Variants in ZNF611 observed in about 807,000 individuals in gnomAD.
ZNF611 encodes the protein zinc finger protein 611.
ZNF611 carries 6 observed loss-of-function variants against 8.9 expected under a neutral mutation model. The observed-to-expected ratio is 0.68, with a 90% CI of 0.37 to 1.34. ZNF611 has a LOEUF of 1.34. Among genes scored for constraint, ZNF611 ranks in the 40% most tolerant of loss-of-function variants. The pLI is 0.02. For missense variants in ZNF611, 874 were observed against 841.3 expected (o/e 1.04, Z -0.48); for synonymous variants, 262 against 279.7 (o/e 0.94, Z 0.63).
rs145217873 is a variant in ZNF611, at chr19:52,727,299, A to C, written c.-20+1431T>G. 1.1e-3 allele frequency among the ~76,000 whole-genome samples: 164 copies of C among 152,346 alleles called. 1 individual carries two copies. Among genetic ancestry groups the C allele is most frequent in the African/African-American group, 3.5e-3 (147 of 41,582 alleles). ...AGAATAACTATTTTATTAATAAATA[A>C]GCTTTAGACCAGAATGTGATGGGAA... On this transcript the variant is annotated intron_variant, in intron 3 of 5. Coordinates refer to ENST00000652185, the MANE Select transcript of ZNF611 (RefSeq NM_001161499.2).
chr19:52,709,563 C>T (rs1315359616), intron 5 of ZNF611, among the ~76,000 whole-genome samples: 12 of 151,828 alleles, frequency 7.9e-5, no homozygotes, highest in Admixed American at 7.9e-4. Context: ...AGCCACCATG[C>T]CCGGACTCTT....
chr19:52,729,339 C>CA (rs2062410458), intron 2 of ZNF611, among the ~76,000 whole-genome samples: 2 of 151,078 alleles, frequency 1.3e-5, no homozygotes, highest in African/African-American at 4.9e-5. Flanking sequence ...GAAAAGATTA[C>CA]AAAATTAGCC....
At position 52,704,446 on chromosome 19, in the gene ZNF611, T is replaced by G. The variant is rs2062225461; in HGVS notation, c.*491A>C. 4.1e-6 allele frequency: 3 copies of G among 737,460 alleles called. No individual in the cohort carries two copies. The highest frequency in any genetic ancestry group is 3.4e-5 in the African/African-American group (2 of 58,132). The allele number at this position is 737,460 out of a possible 1,614,324, so 45.7% of individuals were successfully genotyped here. A position where few individuals can be genotyped will look rare whatever the true frequency, so the allele number is the denominator to read the frequency against. ...ACAATCATCACACTTGTGAGGTTTC[T>G]CTCCTGTATAAATTCTCCTATGTTT... is the stretch of plus-strand genomic sequence containing the variant. On this transcript the variant is annotated 3_prime_UTR_variant, in exon 6 of 6. Coordinates refer to ENST00000652185, the MANE Select transcript of ZNF611 (RefSeq NM_001161499.2).
chr19:52,705,136 T>C lies in ZNF611; in HGVS notation c.1919A>G (p.His640Arg). The change falls in exon 6 of 6, where the codon CAT becomes CGT. Residue 640 changes from histidine (H) to arginine (R), a missense_variant. His to Arg is a conservative substitution (Grantham distance 29, BLOSUM62 0). Coordinates refer to ENST00000652185, the MANE Select transcript of ZNF611 (RefSeq NM_001161499.2). The stretch of plus-strand genomic sequence containing the variant: ...TTTCTCTCCAGTATGAAGTCTACGA[T>C]GGTATATAAGGGATGAGCAGTGACG... ...TFRHCSSLIY[H>R]RRLHTGEKSY... 1 of 1,614,138 alleles carries C rather than the reference T, an allele frequency of 6.2e-7. No homozygotes were observed. The highest frequency in any genetic ancestry group is 8.5e-7 in the Non-Finnish European group (1 of 1,180,020).
rs144414615 is a variant in ZNF611 at position 52,717,762 on chromosome 19, T to G, written c.-19-1849A>C. On this transcript the variant is annotated intron_variant, in intron 3 of 5. Transcript: ENST00000652185. ...CTTAGAAGCTCACAGATCACCATTT[T>G]TTCAGATGATATGAGGAAAGAAAAT... 6.3e-4 allele frequency: 564 copies of G among 890,348 alleles called. 1 individual carries two copies. The highest frequency in any genetic ancestry group is 5.0e-3 in the East Asian group (42 of 8,332). 55.2% of individuals were successfully genotyped at this position (890,348 alleles called of 1,614,324 possible).
chr19:52,727,952 C>T (rs1390903784), intron 3 of ZNF611, among the ~76,000 whole-genome samples: 1 of 146,582 alleles, frequency 6.8e-6, no homozygotes, highest in Non-Finnish European at 1.5e-5. Flanking sequence ...CTTTGTTGCC[C>T]AGGCTGCAGT....
chr19:52,704,106 T>A lies in ZNF611; in HGVS notation c.*831A>T, dbSNP rs1180443331. 1 of 287,268 alleles carries A rather than the reference T, an allele frequency of 3.5e-6. No homozygotes were observed. Among genetic ancestry groups the A allele is most frequent in the African/African-American group, 2.3e-5 (1 of 44,440 alleles). The allele number at this position is 287,268 out of a possible 1,614,324, so 17.8% of individuals were successfully genotyped here. ...GCCTTGGCCTCCCGACGTGCTGGGA[T>A]TACAGGTCGGAGCCACCACACCTGG... On this transcript the variant is annotated 3_prime_UTR_variant, in exon 6 of 6. Transcript: ENST00000652185.
At position 52,706,186 on chromosome 19, in the gene ZNF611, T is replaced by C; in HGVS notation, c.869A>G (p.Lys290Arg). ...CHTVEKPYKC[K>R]ECGKTFSQES... ...CTGACTGAAGGTCTTGCCACACTCTTTACACTTGTAAGGTTTCTCAACAGT... is the reference window on the plus strand; with the variant it reads ...CTGACTGAAGGTCTTGCCACACTCTCTACACTTGTAAGGTTTCTCAACAGT... Residue 290 changes from lysine to arginine, a missense_variant, in exon 6 of 6, where the codon AAA (lysine) becomes AGA (arginine). By Grantham distance (26) the Lys-to-Arg change is conservative. Transcript: ENST00000652185. The C allele has an allele frequency of 6.2e-7, 1 of 1,614,192 alleles. No individual in the cohort carries two copies. Among genetic ancestry groups the C allele is most frequent in the Non-Finnish European group, 8.5e-7 (1 of 1,180,014 alleles).
chr19:52,715,914 C>T lies in ZNF611; in HGVS notation c.-19-1G>A, dbSNP rs2062314034. On this transcript the variant is annotated splice_acceptor_variant, in intron 3 of 5. Coordinates refer to ENST00000652185, the MANE Select transcript of ZNF611 (RefSeq NM_001161499.2). LOFTEE classifies it low-confidence loss of function (5UTR_SPLICE). ...TAACATGAGTCTTTAGGAATCAATC[C>T]TGTATGTGAAAAAAAATGAGACTTC... 1 of 1,611,218 alleles carries T rather than the reference C, an allele frequency of 6.2e-7. No individual in the cohort carries two copies. Among genetic ancestry groups the T allele is most frequent in the Non-Finnish European group, 8.5e-7 (1 of 1,179,222 alleles).
At chr19:52,725,610 G>A (rs1001321192) in intron 3 of ZNF611, among the ~76,000 whole-genome samples, 14 of 152,330 alleles carry the variant, frequency 9.2e-5, no homozygotes, top group Admixed American at 7.2e-4. Flanking sequence ...TTTGCTCTGG[G>A]TGAAGGAAGA....
Position 52,716,726 on chromosome 19 carries a change from G to A in ZNF611, c.-19-813C>T, listed in dbSNP as rs2062319821. Among the ~76,000 whole-genome samples, 4 of 152,140 alleles carry A rather than the reference G, an allele frequency of 2.6e-5. No homozygotes were observed. The South Asian group carries it at 6.2e-4, about 24-fold the overall frequency. ...CATCCCTCTGCTCCCTGACACAGAT[G>A]CATATCTGAGTGCCTCCTTCAAAAG... On this transcript the variant is annotated intron_variant, in intron 3 of 5. Transcript: ENST00000652185.
At chr19:52,720,404 C>T (rs183431846) in intron 3 of ZNF611, among the ~76,000 whole-genome samples, 3,672 of 146,812 alleles carry the variant, frequency 0.025, 244 homozygotes, top group African/African-American at 0.091. Context: ...CCAGATGGGG[C>T]GGCCGGGCAG....
Position 52,706,331 on chromosome 19 carries a change from A to T in ZNF611, c.724T>A (p.Cys242Ser). 1 of 1,614,156 alleles carries T rather than the reference A, an allele frequency of 6.2e-7. No individual in the cohort carries two copies. Among genetic ancestry groups the T allele is most frequent in the Non-Finnish European group, 8.5e-7 (1 of 1,180,028 alleles). The change falls in exon 6 of 6, where the codon TGT becomes AGT. Residue 242 changes from cysteine to serine, a missense_variant. Coordinates refer to ENST00000652185, the MANE Select transcript of ZNF611 (RefSeq NM_001161499.2). The part of the protein sequence containing the change: ...QCNKSGKAFN[C>S]SSLLRKHQIP... Reference sequence around the variant, plus strand: ...TGGTGTTTCCTTAAGAGTGAGCTACAATTAAAGGCTTTGCCACTCTTATTA... The same window carrying T: ...TGGTGTTTCCTTAAGAGTGAGCTACTATTAAAGGCTTTGCCACTCTTATTA...
chr19:52,719,265 GAAC>G (rs1478394615), intron 3 of ZNF611, among the ~76,000 whole-genome samples: 1 of 152,112 alleles, frequency 6.6e-6, no homozygotes, highest in Non-Finnish European at 1.5e-5. Context: ...TACAAAAAGA[GAAC>G]AAAAGCACTT....
At chr19:52,726,314 C>A (rs1243226704) in intron 3 of ZNF611, among the ~76,000 whole-genome samples, 1 of 152,206 alleles carries the variant, frequency 6.6e-6, no homozygotes, top group East Asian at 1.9e-4. Context: ...GCGGGAGAAT[C>A]GCTGAACCTG....
chr19:52,720,679 G>A (rs1315272236), intron 3 of ZNF611, among the ~76,000 whole-genome samples: 1 of 151,028 alleles, frequency 6.6e-6, no homozygotes, highest in Non-Finnish European at 1.5e-5. Context: ...CGGCTGCTGG[G>A]CAGAGGCGCT....
chr19:52,726,725 T>G (rs1600332283), intron 3 of ZNF611, among the ~76,000 whole-genome samples: 2 of 142,438 alleles, frequency 1.4e-5, no homozygotes, highest in East Asian at 4.0e-4. Context: ...GCCTTGTGTT[T>G]TTTTTTTTTT....
rs113853251 is a variant in ZNF611, at chr19:52,704,792, G to T, written c.*145C>A. The T allele has an allele frequency of 1.2e-5, 19 of 1,595,160 alleles. No homozygotes were observed. The highest frequency in any genetic ancestry group is 8.0e-5 in the African/African-American group (6 of 74,598). On this transcript the variant is annotated 3_prime_UTR_variant, in exon 6 of 6. Coordinates refer to ENST00000652185, the MANE Select transcript of ZNF611 (RefSeq NM_001161499.2). ...CACTTGTAAGGTTTCTCTCCAGTGT[G>T]AAGTCCAGTATGTTGTTCCAGGTGT...
At chr19:52,731,847 T>G (rs2062427557) in intron 1 of ZNF611, among the ~76,000 whole-genome samples, 1 of 152,108 alleles carries the variant, frequency 6.6e-6, no homozygotes, top group Admixed American at 6.5e-5. Flanking sequence ...GGTGCATGCC[T>G]GTAATCCCAG....
Sources: gnomAD v4.1 joint callset for allele counts (sites outside exome capture counted in the v4.1 genomes callset) on GRCh38, gnomAD v4.1.1 for gene constraint, MANE v1.5 for transcripts, NCBI Gene and HGNC (gene_info 2026-07-23, HGNC 2026-07-21) for gene names.